The following TLE5 variants were observed in gnomAD, a reference collection of about 807,000 sequenced individuals.
TLE5 encodes the protein TLE family member 5, transcriptional modulator, also known as TLE family member 5.
Under a neutral mutation model 25.8 loss-of-function variants are expected in TLE5, and 7 were observed. The observed-to-expected ratio is 0.27, with a 90% CI of 0.15 to 0.51. The LOEUF is 0.51. Ranked by LOEUF, TLE5 falls within the 20% of genes least tolerant of loss-of-function variation. TLE5 has a pLI of 0.97. For synonymous variants in TLE5, 132 were observed against 110.5 expected, an observed-to-expected ratio of 1.20 and a Z score of -1.22; for missense variants, 149 against 250.7, an observed-to-expected ratio of 0.59 and a Z score of 2.74.
chr19:3,056,257 G>C lies in TLE5; in HGVS notation c.234+55C>G, dbSNP rs142071716. ...GGGTGCCCAAGGCGGGGCTGGAGGT[G>C]GGGGGAGGAGGGGGAAGGAGGAGGA... is the stretch of plus-strand genomic sequence containing the variant. On this transcript the variant is annotated intron_variant, in intron 4 of 6. Coordinates refer to ENST00000327141, the MANE Select transcript of TLE5 (RefSeq NM_001130.6). 6.9e-3 allele frequency: 8,870 copies of C among 1,285,138 alleles called. 61 individuals are homozygous for C. The highest frequency in any genetic ancestry group is 8.3e-3 in the Non-Finnish European group (7,775 of 937,112). The allele number at this position is 1,285,138 out of a possible 1,614,324, so 79.6% of individuals were successfully genotyped here.
At position 3,057,709 on chromosome 19, in the gene TLE5, C is replaced by T. The variant is rs2090231874; in HGVS notation, c.159G>A (p.Glu53=). 1 of 1,613,670 alleles carries T rather than the reference C, an allele frequency of 6.2e-7. No homozygotes were observed. ...LKLECDKLAS[E]KSEMQRHYVM... is the part of the protein sequence containing the mutation. ...CATAGTGACGCTGCATCTCTGACTT[C>T]TCACTGGCCAACTTGTCACATTCGA... The change falls in exon 3 of 7, where the codon GAG becomes GAA. Residue 53 remains glutamate (E), a synonymous_variant. Transcript: ENST00000327141.
At chr19:3,054,280 G>T in intron 5 of TLE5, 86 bp from the exon 6 acceptor site, 5 of 1,326,800 alleles carry the variant, frequency 3.8e-6, no homozygotes, top group Admixed American at 1.9e-5. Context: ...GCCAGGAGGA[G>T]CCCCACTACC....
At chr19:3,054,615 C>T in intron 5 of TLE5, 1 of 180,052 alleles carries the variant, frequency 5.6e-6, no homozygotes. Context: ...CAAGACTGTG[C>T]CCTGAGTCTG....
intron 1 of TLE5, 27 bp downstream of exon 1, chr19:3,062,147 G>T: frequency 8.7e-7 from 1 of 1,145,960 alleles, no homozygotes; most frequent in Non-Finnish European, 1.1e-6. Flanking sequence ...CCGGGGTGGG[G>T]GCGCCGGCCG....
intron 3 of TLE5, 145 bp from the exon 4 acceptor site, chr19:3,056,501 C>A: frequency 1.7e-6 from 1 of 594,518 alleles, no homozygotes; most frequent in Non-Finnish European, 3.1e-6. Flanking sequence ...AAAGGAGAGG[C>A]AGGTGGGAGG....
intron 2 of TLE5, 115 bp from the exon 3 acceptor site, chr19:3,057,857 C>G (rs1052448098): frequency 1.1e-6 from 1 of 918,460 alleles, no homozygotes; most frequent in Admixed American, 2.1e-5. Context: ...AGGGCAAGAT[C>G]AGCCAATTCT....
Position 3,061,272 on chromosome 19 carries a change from C to A in TLE5, c.28-15G>T. 6.2e-7 allele frequency: 1 copy of A among 1,602,768 alleles called. No homozygotes were observed. Among genetic ancestry groups the A allele is most frequent in the Non-Finnish European group, 8.5e-7 (1 of 1,170,686 alleles). The stretch of plus-strand genomic sequence containing the variant: ...TGCGAGGAGCCCTGTAGGGATGGGG[C>A]GGCCCGGGTCAGGCCCAGGCGTGGG... On this transcript the variant is annotated splice_polypyrimidine_tract_variant and intron_variant, in intron 1 of 6. Transcript: ENST00000327141.
At chr19:3,054,365 T>C in intron 5 of TLE5, 171 bp from the exon 6 acceptor site, 2 of 624,142 alleles carry the variant, frequency 3.2e-6, no homozygotes, top group Non-Finnish European at 5.7e-6. Flanking sequence ...CTCCAACTGC[T>C]TCCTTTCACC....
At position 3,053,953 on chromosome 19, in the gene TLE5, G is replaced by T; in HGVS notation, c.460C>A (p.Leu154Met). The T allele has an allele frequency of 6.2e-7, 1 of 1,611,774 alleles. No homozygotes were observed. The highest frequency in any genetic ancestry group is 1.1e-5 in the South Asian group (1 of 90,942). Reference protein sequence around the residue: ...PLPVGLQPPSLPAVSAGTGLL... With the variant: ...PLPVGLQPPSMPAVSAGTGLL... ...CCGGTGCCTGCGCTGACCGCCGGCA[G>T]CGAAGGCGGCTGCAGCCCCACGGGT... is the stretch of plus-strand genomic sequence containing the variant. The change falls in exon 7 of 7, where the codon CTG becomes ATG. Residue 154 changes from leucine to methionine, a missense_variant. Coordinates refer to ENST00000327141, the MANE Select transcript of TLE5 (RefSeq NM_001130.6).
At chr19:3,059,936 C>T (rs1399573986) in intron 2 of TLE5, among the ~76,000 whole-genome samples, 1 of 152,114 alleles carries the variant, frequency 6.6e-6, no homozygotes, top group Non-Finnish European at 1.5e-5. Context: ...GACAGTCGGA[C>T]GACAGGAAGG....
chr19:3,054,086 T>TCGGGGGGGGCGGCCCC, intron 6 of TLE5, 34 bp downstream of exon 6: 1 of 1,512,816 alleles, frequency 6.6e-7, no homozygotes, highest in Non-Finnish European at 8.9e-7. Flanking sequence ...GGCCCACCTG[T>TCGGGGGGGGCGGCCCC]CCCCCGCCCA....
intron 3 of TLE5, 179 bp from the exon 4 acceptor site, chr19:3,056,535 C>T: frequency 1.6e-6 from 1 of 616,958 alleles, no homozygotes. Flanking sequence ...GAGACGCCCA[C>T]ACCCAGCATC....
In TLE5 at chr19:3,061,098, CGCA is replaced by C. The variant is rs986132693; in HGVS notation, c.125+59_125+61del. 45 of 1,293,806 alleles carry C rather than the reference CGCA, an allele frequency of 3.5e-5. No homozygotes were observed. In the Admixed American group the frequency reaches 5.9e-4, roughly 17 times the overall value. 80.1% of individuals were successfully genotyped at this position (1,293,806 alleles called of 1,614,324 possible). ...CTCCAGGCCTCAGCCTTGCCATCTG[CGCA>C]GAAGAAATGGGGGGACTCACATTCT... On this transcript the variant is annotated intron_variant, in intron 2 of 6. Transcript: ENST00000327141.
At chr19:3,056,562 AG>A in intron 3 of TLE5, 1 of 637,044 alleles carries the variant, frequency 1.6e-6, no homozygotes, top group Non-Finnish European at 2.9e-6. Flanking sequence ...CGCCCTGGAG[AG>A]GGGCAGGGGG....
intron 2 of TLE5, among the ~76,000 whole-genome samples, chr19:3,059,412 C>T (rs1225598733): frequency 6.6e-6 from 1 of 152,170 alleles, no homozygotes; most frequent in African/African-American, 2.4e-5. Context: ...ATCCCAGCTA[C>T]TTGGGAGGCT....
chr19:3,055,993 C>G, intron 4 of TLE5: 2 of 515,610 alleles, frequency 3.9e-6, no homozygotes, highest in Non-Finnish European at 6.8e-6. Context: ...CCTCGGGGGT[C>G]GGCCACTCAG....
At chr19:3,058,676 A>G (rs2090240190) in intron 2 of TLE5, among the ~76,000 whole-genome samples, 1 of 152,138 alleles carries the variant, frequency 6.6e-6, no homozygotes, top group Non-Finnish European at 1.5e-5. Flanking sequence ...GGGAAGGATG[A>G]GCTGTGGGGC....
Position 3,057,623 on chromosome 19 carries a change from G to A in TLE5, c.189+56C>T, listed in dbSNP as rs554765471. On this transcript the variant is annotated intron_variant, in intron 3 of 6. Transcript: ENST00000327141. ...AGCAGCTGCCCGTGGTGGAGGGGAT[G>A]TGGAGGGCCCTGTCGCCCGCCCCCA... 1.7e-4 allele frequency: 257 copies of A among 1,547,546 alleles called. No individual in the cohort carries two copies. In the Admixed American group the frequency reaches 4.3e-3, roughly 26 times the overall value.
chr19:3,055,028 A>T (rs1200738649), intron 5 of TLE5: 1 of 152,374 alleles, frequency 6.6e-6, no homozygotes, highest in Non-Finnish European at 1.5e-5. Context: ...CTCAGAACCC[A>T]AGAAAGGAGA....
Sources: gnomAD v4.1 joint callset for allele counts (sites outside exome capture counted in the v4.1 genomes callset) on GRCh38, gnomAD v4.1.1 for gene constraint, MANE v1.5 for transcripts, NCBI Gene and HGNC (gene_info 2026-07-23, HGNC 2026-07-21) for gene names.